The following KLHL15 variants were observed in gnomAD, a reference collection of about 807,000 sequenced individuals.
The protein encoded by KLHL15 is kelch-like protein 15.
KLHL15 carries 1 observed loss-of-function variant against 29.3 expected under a neutral mutation model. The ratio of observed to expected loss-of-function variants is 0.03; its 90% CI spans 0.01 to 0.16. The LOEUF (loss-of-function observed/expected upper bound fraction) is 0.16, where lower values mean the gene tolerates loss of function less well. Among genes scored for constraint, KLHL15 ranks in the 10% least tolerant of loss-of-function variants. The pLI, the probability that KLHL15 is intolerant of heterozygous loss-of-function variation, is 1.00. For missense variants in KLHL15, 215 were observed against 478.5 expected (o/e 0.45, Z 5.14); for synonymous variants, 212 against 184.5 (o/e 1.15, Z -1.21).
chrX:24,006,074 T>C lies in KLHL15; in HGVS notation c.620A>G (p.His207Arg). 8.3e-7 allele frequency: 1 copy of C among 1,211,600 alleles called. No individual in the cohort carries two copies. The highest frequency in any genetic ancestry group is 1.1e-6 in the Non-Finnish European group (1 of 895,378). Residue 207 changes from histidine to arginine, a missense_variant, in exon 3 of 4, where the codon CAT (histidine) becomes CGT (arginine). Coordinates refer to ENST00000328046, the MANE Select transcript of KLHL15 (RefSeq NM_030624.3). Reference sequence around the variant, plus strand: ...GGTATGTCTCCAGCGTCTTCTATCATGCCGCAGCCAAGACTGCACAGCCTC... The same window carrying C: ...GGTATGTCTCCAGCGTCTTCTATCACGCCGCAGCCAAGACTGCACAGCCTC... Reference protein sequence around the residue: ...LYEAVQSWLRHDRRRWRHTDT... With the variant: ...LYEAVQSWLRRDRRRWRHTDT...
At chrX:24,004,177 G>A (rs1410030198) in intron 3 of KLHL15, among the ~76,000 whole-genome samples, 1 of 110,517 alleles carries the variant, frequency 9.0e-6, no homozygotes, top group Non-Finnish European at 1.9e-5. Context: ...ACTACCAAAG[G>A]AAGAATTAAG....
chrX:24,022,231 A>G (rs1929820828), intron 2 of KLHL15, among the ~76,000 whole-genome samples: 1 of 104,951 alleles, frequency 9.5e-6, no homozygotes, highest in Non-Finnish European at 1.9e-5. Context: ...GTTACTCGGG[A>G]GGCTGAGGCA....
At chrX:23,997,730 CAAAAAAAAA>C (rs59857010) in intron 3 of KLHL15, among the ~76,000 whole-genome samples, 255 of 24,251 alleles carry the variant, frequency 0.011, 4 homozygotes, top group African/African-American at 0.034. Context: ...GACTCTGTCT[CAAAAAAAAA>C]AAAAAAAAAA....
chrX:24,019,801 G>A (rs1398980382), intron 2 of KLHL15, among the ~76,000 whole-genome samples: 1 of 111,914 alleles, frequency 8.9e-6, no homozygotes, highest in East Asian at 2.8e-4. Flanking sequence ...GGTAAAACTG[G>A]ACAGGAAATT....
intron 3 of KLHL15, among the ~76,000 whole-genome samples, chrX:23,994,494 G>A (rs978202778): frequency 1.8e-5 from 2 of 112,204 alleles, no homozygotes; most frequent in African/African-American, 6.5e-5. Flanking sequence ...CACTAACACA[G>A]ATATTCAAAA....
chrX:24,007,201 T>C (rs1246037947), intron 2 of KLHL15, among the ~76,000 whole-genome samples: 1 of 106,990 alleles, frequency 9.3e-6, no homozygotes, highest in African/African-American at 3.4e-5. Context: ...CTCTTAAAAA[T>C]ATATATGTCG....
intron 3 of KLHL15, among the ~76,000 whole-genome samples, chrX:23,994,907 G>A (rs777061337): frequency 9.0e-6 from 1 of 111,290 alleles, no homozygotes; most frequent in Non-Finnish European, 1.9e-5. Context: ...AAAATCCTGA[G>A]CTGAAGTGAT....
chrX:24,015,827 C>T (rs1420877796), intron 2 of KLHL15, among the ~76,000 whole-genome samples: 3 of 110,624 alleles, frequency 2.7e-5, no homozygotes, highest in Admixed American at 9.7e-5. Context: ...GGTGGAACCC[C>T]GTCTCTACTA....
chrX:23,992,835 A>T (rs1198172581), intron 3 of KLHL15, among the ~76,000 whole-genome samples: 1 of 112,401 alleles, frequency 8.9e-6, no homozygotes, highest in African/African-American at 3.2e-5. Context: ...TGGGCACATA[A>T]AACAAGTATT....
At chrX:24,004,531 G>A (rs1436670575) in intron 3 of KLHL15, among the ~76,000 whole-genome samples, 3 of 111,604 alleles carry the variant, frequency 2.7e-5, no homozygotes, top group Non-Finnish European at 3.8e-5. Flanking sequence ...GGTGGCTCAC[G>A]CCTGTAATCC....
At chrX:24,004,659 T>C (rs1478241527) in intron 3 of KLHL15, among the ~76,000 whole-genome samples, 1 of 105,613 alleles carries the variant, frequency 9.5e-6, no homozygotes, top group Middle Eastern at 4.7e-3. Context: ...GCACAGTGGC[T>C]GACGCCTGTA....
intron 2 of KLHL15, among the ~76,000 whole-genome samples, chrX:24,018,412 T>C (rs989659607): frequency 1.8e-5 from 2 of 110,165 alleles, no homozygotes; most frequent in Non-Finnish European, 3.8e-5. Flanking sequence ...ACTTTATACA[T>C]GGCCTTCAGA....
chrX:24,020,285 G>A (rs770065758), intron 2 of KLHL15, among the ~76,000 whole-genome samples: 1 of 112,290 alleles, frequency 8.9e-6, no homozygotes, highest in Non-Finnish European at 1.9e-5. Context: ...CAATATAAAA[G>A]AAAAGACAAA....
At chrX:24,005,236 G>GA (rs1306146858) in intron 3 of KLHL15, among the ~76,000 whole-genome samples, 8 of 111,987 alleles carry the variant, frequency 7.1e-5, no homozygotes, top group Non-Finnish European at 1.5e-4. Flanking sequence ...ATATAAAAAT[G>GA]AAAATGCTTA....
intron 3 of KLHL15, among the ~76,000 whole-genome samples, chrX:24,004,707 T>C (rs1178169214): frequency 9.2e-6 from 1 of 108,761 alleles, no homozygotes; most frequent in African/African-American, 3.4e-5. Flanking sequence ...AGAGAATCGC[T>C]TGAACCTGGG....
chrX:23,998,300 AGGC>A (rs1929236395), intron 3 of KLHL15, among the ~76,000 whole-genome samples: 1 of 109,781 alleles, frequency 9.1e-6, no homozygotes, highest in Non-Finnish European at 1.9e-5. Context: ...GCTGTTGCCC[AGGC>A]TGGAGTGCAG....
intron 2 of KLHL15, among the ~76,000 whole-genome samples, chrX:24,018,805 C>T (rs1929745061): frequency 9.0e-6 from 1 of 111,155 alleles, no homozygotes; most frequent in Admixed American, 9.6e-5. Context: ...AGTTCAAAAC[C>T]AGCCTGGTCA....
chrX:23,994,790 T>A (rs748856486), intron 3 of KLHL15, among the ~76,000 whole-genome samples: 48 of 111,932 alleles, frequency 4.3e-4, no homozygotes, highest in African/African-American at 1.5e-3. Context: ...TCTGAATATA[T>A]CATATAATTA....
In KLHL15 at chrX:24,020,938, TTAAC is replaced by T. The variant is rs1347481426; in HGVS notation, c.-8+3915_-8+3918del. ...AATCATTAGTCTATAATATATATCA[TTAAC>T]TAAATTCAAAGATCTTATCAGAGAC... On this transcript the variant is annotated intron_variant, in intron 2 of 3. Transcript: ENST00000328046. Among the ~76,000 whole-genome samples the T allele has an allele frequency of 1.8e-4, 20 of 111,520 alleles. No individual in the cohort carries two copies. In the Admixed American group the frequency reaches 1.8e-3, roughly 10 times the overall value.
Sources: allele counts gnomAD v4.1 joint callset (sites outside exome capture counted in the v4.1 genomes callset), GRCh38; gene constraint gnomAD v4.1.1; transcripts MANE v1.5; gene names NCBI Gene and HGNC (gene_info 2026-07-23, HGNC 2026-07-21).